The following PCDHGA7 variants were observed in gnomAD, a reference collection of about 807,000 sequenced individuals.
PCDHGA7 encodes protocadherin gamma subfamily A, 7.
A neutral mutation model predicts 58.3 loss-of-function variants in PCDHGA7; 44 were observed. The observed-to-expected ratio is 0.75, with a 90% CI of 0.59 to 0.97. The LOEUF (loss-of-function observed/expected upper bound fraction) is 0.97. PCDHGA7 is among the 50% of genes least tolerant of loss of function. The pLI is 0.00. For synonymous variants in PCDHGA7, 516 were observed against 504.2 expected (o/e 1.02, Z -0.31); for missense variants, 1,266 against 1,188.7 (o/e 1.06, Z -0.96).
rs1048758308 is a variant in PCDHGA7 at position 141,498,931 on chromosome 5, A to T, written c.2483+4066A>T. Among the ~76,000 whole-genome samples the T allele has an allele frequency of 6.2e-4, 88 of 141,764 alleles. 1 individual carries two copies. Among genetic ancestry groups the T allele is most frequent in the Non-Finnish European group, 1.1e-3 (70 of 64,686 alleles). 93.0% of individuals were successfully genotyped at this position (141,764 alleles called of 152,430 possible). On this transcript the variant is annotated intron_variant, in intron 2 of 3. Coordinates refer to ENST00000518325, the MANE Select transcript of PCDHGA7 (RefSeq NM_018920.4). ...CTGGGTGACAGAGCGAGACTCCATC[A>T]GGAAAGAAAGAAAGAAAAAGAGAGA... is the stretch of plus-strand genomic sequence containing the variant.
chr5:141,481,877 G>A (rs535267598), intron 1 of PCDHGA7, among the ~76,000 whole-genome samples: 4 of 144,402 alleles, frequency 2.8e-5, no homozygotes, highest in African/African-American at 7.8e-5. Context: ...TCGCGCCACT[G>A]CACTCCAGCC....
intron 1 of PCDHGA7, among the ~76,000 whole-genome samples, chr5:141,434,579 A>T (rs931282309): frequency 6.6e-6 from 1 of 152,232 alleles, no homozygotes; most frequent in African/African-American, 2.4e-5. Context: ...CCTGCTGCAG[A>T]TAACTACCTC....
intron 1 of PCDHGA7, among the ~76,000 whole-genome samples, chr5:141,460,252 A>T (rs1342135416): frequency 6.6e-6 from 1 of 151,974 alleles, no homozygotes; most frequent in African/African-American, 2.4e-5. Flanking sequence ...AATTTTGATA[A>T]AGCCCAATTT....
chr5:141,432,934 G>A lies in PCDHGA7; in HGVS notation c.2424+47611G>A. The stretch of plus-strand genomic sequence containing the variant: ...GGCGCTGGCACAAGTCACGCCTGCT[G>A]CAGGCTTCAGGAGGCGGCTTGACAG... On this transcript the variant is annotated intron_variant, in intron 1 of 3. Transcript: ENST00000518325. This position sits in a 1 kb window ranked among gnomAD's most constrained non-coding sequence, Gnocchi z 6.0. 1.9e-6 allele frequency: 3 copies of A among 1,614,196 alleles called. No individual in the cohort carries two copies. Among genetic ancestry groups the A allele is most frequent in the Non-Finnish European group, 2.5e-6 (3 of 1,180,040 alleles).
chr5:141,422,472 G>T, intron 1 of PCDHGA7: 2 of 1,613,680 alleles, frequency 1.2e-6, no homozygotes, highest in Non-Finnish European at 1.7e-6. Flanking sequence ...ACAGGGAGTT[G>T]GTCCAGAGCT....
rs368785983 is a variant in PCDHGA7 at position 141,393,012 on chromosome 5, G to A, written c.2424+7689G>A. The A allele has an allele frequency of 1.4e-5, 23 of 1,613,724 alleles. No homozygotes were observed. Among genetic ancestry groups the A allele is most frequent in the Non-Finnish European group, 1.9e-5 (23 of 1,179,884 alleles). ...GCTGGCGAAGCACGGAGTCCGTATC[G>A]TCTCCAGAGGTAGGACGCAGCTCTT... On this transcript the variant is annotated intron_variant, in intron 1 of 3. Transcript: ENST00000518325.
intron 1 of PCDHGA7, among the ~76,000 whole-genome samples, chr5:141,457,745 G>T (rs1039982528): frequency 6.6e-6 from 1 of 152,232 alleles, no homozygotes; most frequent in Non-Finnish European, 1.5e-5. Flanking sequence ...TTTTAAAGCT[G>T]AGCCCAGACA....
In PCDHGA7 at chr5:141,395,543, TG is replaced by T. The variant is rs1247307480; in HGVS notation, c.2424+10221del. 6.3e-3 allele frequency: 52 copies of T among 8,206 alleles called. 1 individual carries two copies. The highest frequency in any genetic ancestry group is 0.048 in the African/African-American group (46 of 952). 0.5% of individuals were successfully genotyped at this position (8,206 alleles called of 1,614,324 possible). On this transcript the variant is annotated intron_variant, in intron 1 of 3. Coordinates refer to ENST00000518325, the MANE Select transcript of PCDHGA7 (RefSeq NM_018920.4). ...CCATACTGGTAATTTTGCTATTGTT[TG>T]TGTGTGTGTGTGTGTGTGTGTGTGT...
chr5:141,511,730 T>C lies in PCDHGA7; in HGVS notation c.*557T>C, dbSNP rs772107999. 5.1e-5 allele frequency: 9 copies of C among 177,790 alleles called. No homozygotes were observed. The highest frequency in any genetic ancestry group is 5.3e-5 in the Admixed American group (1 of 18,706). The allele number at this position is 177,790 out of a possible 1,614,324, so 11.0% of individuals were successfully genotyped here. On this transcript the variant is annotated 3_prime_UTR_variant, in exon 4 of 4. Transcript: ENST00000518325. ...ACCTCCTTCCAGAGCCCAAGATCAA[T>C]GCTCAAGTTTTGGAGGACATGATCA...
At chr5:141,453,490 G>T (rs921556476) in intron 1 of PCDHGA7, among the ~76,000 whole-genome samples, 3 of 151,922 alleles carry the variant, frequency 2.0e-5, no homozygotes, top group African/African-American at 7.3e-5. Context: ...TTAAAAAAAG[G>T]TGTACTCAGA....
At chr5:141,423,318 G>T (rs1165459779) in intron 1 of PCDHGA7, 17 of 1,614,006 alleles carry the variant, frequency 1.1e-5, no homozygotes, top group South Asian at 8.8e-5. Context: ...TGGTGGTGGC[G>T]GTGGCCGCAG....
intron 1 of PCDHGA7, chr5:141,409,896 C>T (rs1181128940): frequency 6.2e-7 from 1 of 1,613,240 alleles, no homozygotes; most frequent in East Asian, 2.2e-5. Flanking sequence ...GTGCTGTACC[C>T]AGCTCTGGGT....
intron 1 of PCDHGA7, among the ~76,000 whole-genome samples, chr5:141,467,397 TAGAA>T (rs1326936900): frequency 6.6e-6 from 1 of 152,106 alleles, no homozygotes; most frequent in Non-Finnish European, 1.5e-5. Flanking sequence ...AAGTCATAGT[TAGAA>T]AGCCTTTCCC....
rs777698869 is a variant in PCDHGA7 at position 141,383,762 on chromosome 5, T to G, written c.863T>G (p.Leu288Arg). Residue 288 changes from leucine to arginine, a missense_variant, in exon 1 of 4, where the codon CTT (leucine) becomes CGT (arginine). Coordinates refer to ENST00000518325, the MANE Select transcript of PCDHGA7 (RefSeq NM_018920.4). ...TCTTTTCGGAAAATAACTCCTAAAC[T>G]TCCAAAGATGTTTCATCTGAACTCG... ...TYSFRKITPK[L>R]PKMFHLNSLT... 7 of 1,613,846 alleles carry G rather than the reference T, an allele frequency of 4.3e-6. No homozygotes were observed. The highest frequency in any genetic ancestry group is 5.9e-6 in the Non-Finnish European group (7 of 1,179,878).
chr5:141,432,435 C>T lies in PCDHGA7; in HGVS notation c.2424+47112C>T. 1 of 1,614,212 alleles carries T rather than the reference C, an allele frequency of 6.2e-7. No homozygotes were observed. Among genetic ancestry groups the T allele is most frequent in the Non-Finnish European group, 8.5e-7 (1 of 1,180,038 alleles). The stretch of plus-strand genomic sequence containing the variant: ...TTCGTGCTGGACCAGAACGACAATG[C>T]GCCCGAGATCCTGTACCCCGCCCTC... On this transcript the variant is annotated intron_variant, in intron 1 of 3. Transcript: ENST00000518325. This position sits in a 1 kb window ranked among gnomAD's most constrained non-coding sequence, Gnocchi z 6.0.
chr5:141,511,462 C>T lies in PCDHGA7; in HGVS notation c.*289C>T, dbSNP rs1385398410. On this transcript the variant is annotated 3_prime_UTR_variant, in exon 4 of 4. Transcript: ENST00000518325. Reference sequence around the variant, plus strand: ...AGACACCAAGAACCATTTGCCACACCCCGTTTAGTTACAGCTGAACTCCTC... The same window carrying T: ...AGACACCAAGAACCATTTGCCACACTCCGTTTAGTTACAGCTGAACTCCTC... 5.4e-6 allele frequency: 3 copies of T among 556,350 alleles called. No individual in the cohort carries two copies. In the South Asian group the frequency reaches 6.3e-5, roughly 12 times the overall value. 34.5% of individuals were successfully genotyped at this position (556,350 alleles called of 1,614,324 possible).
chr5:141,389,323 G>A (rs1230521211), intron 1 of PCDHGA7: 1 of 1,613,862 alleles, frequency 6.2e-7, no homozygotes. Context: ...CCGGACTTGG[G>A]GCCCAACGGC....
At chr5:141,387,885 A>C (rs748815627) in intron 1 of PCDHGA7, 1 of 1,578,800 alleles carries the variant, frequency 6.3e-7, no homozygotes, top group Non-Finnish European at 8.6e-7. Flanking sequence ...AGCAAGAGGG[A>C]TGGGGAGCGG....
rs2154594676 is a variant in PCDHGA7, at chr5:141,511,333, G to A, written c.*160G>A. 6.9e-7 allele frequency: 1 copy of A among 1,441,948 alleles called. No homozygotes were observed. Among genetic ancestry groups the A allele is most frequent in the Non-Finnish European group, 9.2e-7 (1 of 1,085,894 alleles). The allele number at this position is 1,441,948 out of a possible 1,614,324, so 89.3% of individuals were successfully genotyped here. On this transcript the variant is annotated 3_prime_UTR_variant, in exon 4 of 4. Transcript: ENST00000518325. Reference sequence around the variant, plus strand: ...GGAAACAGAAACAAGTGCCCAGTCAGCACCTACCCCTTCCCCCCCAGGGGG... The same window carrying A: ...GGAAACAGAAACAAGTGCCCAGTCAACACCTACCCCTTCCCCCCCAGGGGG...
Sources: allele counts gnomAD v4.1 joint callset (sites outside exome capture counted in the v4.1 genomes callset), GRCh38; gene constraint gnomAD v4.1.1; non-coding constraint Gnocchi (gnomAD v3.1); transcripts MANE v1.5; gene names NCBI Gene and HGNC (gene_info 2026-07-23, HGNC 2026-07-21).